The following CRMP1 variants were observed in gnomAD, a reference collection of about 807,000 sequenced individuals.
CRMP1 encodes dihydropyrimidinase-related protein 1.
CRMP1 carries 19 observed loss-of-function variants against 68.3 expected under a neutral mutation model. That is an observed-to-expected ratio of 0.28 (90% CI 0.19 to 0.41). The LOEUF (loss-of-function observed/expected upper bound fraction) is 0.41, where lower values mean the gene tolerates loss of function less well. Among genes scored for constraint, CRMP1 ranks in the 10% least tolerant of loss-of-function variants. CRMP1 has a pLI of 1.00. For missense variants in CRMP1, 791 were observed against 967.4 expected, an observed-to-expected ratio of 0.82 and a Z score of 2.42; for synonymous variants, 439 against 399.6, an observed-to-expected ratio of 1.10 and a Z score of -1.18.
rs1381649757 is a variant in CRMP1 at position 5,851,533 on chromosome 4, T to C, written c.821-64A>G. 28 of 1,492,966 alleles carry C rather than the reference T, an allele frequency of 1.9e-5. No individual in the cohort carries two copies. The South Asian group carries it at 2.1e-4, about 11-fold the overall frequency. 92.5% of individuals were successfully genotyped at this position (1,492,966 alleles called of 1,614,324 possible). Reference sequence around the variant, plus strand: ...AAAAAACAGAAGCATGTCTTTCCAATAAATCAATGACCACAGAGCAGAGTG... The same window carrying C: ...AAAAAACAGAAGCATGTCTTTCCAACAAATCAATGACCACAGAGCAGAGTG... On this transcript the variant is annotated intron_variant, in intron 4 of 13. Transcript: ENST00000324989.
intron 11 of CRMP1, among the ~76,000 whole-genome samples, chr4:5,835,162 C>T (rs568344800): frequency 7.3e-4 from 111 of 152,344 alleles, no homozygotes; most frequent in Admixed American, 2.0e-3. Context: ...AGCTCCATCA[C>T]GGTGTGCACA....
rs529798036 is a variant in CRMP1 at position 5,838,168 on chromosome 4, G to A, written c.1311-1262C>T. 6.6e-6 allele frequency among the ~76,000 whole-genome samples: 1 copy of A among 152,252 alleles called. No homozygotes were observed. Among genetic ancestry groups the A allele is most frequent in the African/African-American group, 2.4e-5 (1 of 41,532 alleles). ...CAAACCATGTGGCGTCTAAGAAAGA[G>A]GGAACTAGCCAGGGGTTCCCATGAG... On this transcript the variant is annotated intron_variant, in intron 9 of 13. Transcript: ENST00000324989. The surrounding 1 kb of genome is among the most constrained non-coding windows in gnomAD (Gnocchi z 4.9).
chr4:5,828,053 G>A, intron 12 of CRMP1: 1 of 985,442 alleles, frequency 1.0e-6, no homozygotes, highest in Non-Finnish European at 1.2e-6. Context: ...CCTGCAAGAT[G>A]CCAGGGGTAA....
chr4:5,868,387 C>T (rs989522132), intron 1 of CRMP1, among the ~76,000 whole-genome samples: 28 of 150,392 alleles, frequency 1.9e-4, no homozygotes, highest in Non-Finnish European at 3.5e-4. Flanking sequence ...CTGCAACCTC[C>T]GCCTCCTGGG....
Position 5,891,248 on chromosome 4 carries a change from G to A in CRMP1, c.381+1341C>T, listed in dbSNP as rs777334162. Among the ~76,000 whole-genome samples the A allele has an allele frequency of 7.0e-6, 1 of 142,934 alleles. No individual in the cohort carries two copies. Among genetic ancestry groups the A allele is most frequent in the African/African-American group, 2.6e-5 (1 of 38,964 alleles). 93.8% of individuals were successfully genotyped at this position (142,934 alleles called of 152,430 possible). Reference sequence around the variant, plus strand: ...TGGACCTCTCCCTCGCGAGGCTCCGGCTTCAGGACCACGGAGAGCTCTGGA... The same window carrying A: ...TGGACCTCTCCCTCGCGAGGCTCCGACTTCAGGACCACGGAGAGCTCTGGA... On this transcript the variant is annotated intron_variant, in intron 1 of 13. Transcript: ENST00000324989. The surrounding 1 kb of genome is among the most constrained non-coding windows in gnomAD (Gnocchi z 5.2).
rs1314546864 is a variant in CRMP1 at position 5,879,781 on chromosome 4, G to A, written c.381+12808C>T. Among the ~76,000 whole-genome samples, 6 of 151,744 alleles carry A rather than the reference G, an allele frequency of 4.0e-5. No individual in the cohort carries two copies. The highest frequency in any genetic ancestry group is 5.9e-5 in the Non-Finnish European group (4 of 67,988). ...ATGGCCTTAGGAAGCCTTTAAACTC[G>A]TTTAAGAGGTTCCCAGTAATTAAAG... On this transcript the variant is annotated intron_variant, in intron 1 of 13. Transcript: ENST00000324989. This position sits in a 1 kb window ranked among gnomAD's most constrained non-coding sequence, Gnocchi z 4.2.
chr4:5,831,049 A>G (rs1235917577), intron 11 of CRMP1, among the ~76,000 whole-genome samples: 1 of 152,160 alleles, frequency 6.6e-6, no homozygotes, highest in East Asian at 1.9e-4. Context: ...CCTGGGCTCA[A>G]GCAATCCTCC....
chr4:5,888,936 C>T lies in CRMP1; in HGVS notation c.381+3653G>A, dbSNP rs1183722357. Among the ~76,000 whole-genome samples, 1 of 151,976 alleles carries T rather than the reference C, an allele frequency of 6.6e-6. No homozygotes were observed. Among genetic ancestry groups the T allele is most frequent in the Non-Finnish European group, 1.5e-5 (1 of 67,968 alleles). On this transcript the variant is annotated intron_variant, in intron 1 of 13. Transcript: ENST00000324989. The surrounding 1 kb of genome is among the most constrained non-coding windows in gnomAD (Gnocchi z 6.4). ...AAGGACCGCTCCCCTCTTGCCTCTC[C>T]TTCCATAGCCTCCGTTTATCCTTCC...
rs1287810418 is a variant in CRMP1 at position 5,834,576 on chromosome 4, CTGTGG to C, written c.1623+1334_1623+1338del. ...TTTATTTTCTTATAAATTACCCAGT[CTGTGG>C]TATCTATTACAGTAGCACAAAATGG... On this transcript the variant is annotated intron_variant, in intron 11 of 13. Coordinates refer to ENST00000324989, the MANE Select transcript of CRMP1 (RefSeq NM_001014809.3). This position sits in a 1 kb window ranked among gnomAD's most constrained non-coding sequence, Gnocchi z 4.3. 6.6e-6 allele frequency among the ~76,000 whole-genome samples: 1 copy of C among 152,174 alleles called. No individual in the cohort carries two copies. Among genetic ancestry groups the C allele is most frequent in the Non-Finnish European group, 1.5e-5 (1 of 68,040 alleles).
chr4:5,829,715 C>T (rs560391835), intron 11 of CRMP1, among the ~76,000 whole-genome samples: 1 of 152,196 alleles, frequency 6.6e-6, no homozygotes, highest in Non-Finnish European at 1.5e-5. Context: ...TGTTCCATAT[C>T]AGCACACATA....
intron 4 of CRMP1, among the ~76,000 whole-genome samples, chr4:5,852,401 G>C (rs1482590505): frequency 6.6e-6 from 1 of 152,158 alleles, no homozygotes; most frequent in Non-Finnish European, 1.5e-5. Flanking sequence ...AAGATTTCTG[G>C]GCAAGCCCTT....
Position 5,889,966 on chromosome 4 carries a change from A to T in CRMP1, c.381+2623T>A. ...GAGGCTTACAGAGGTAAAATGATGT[A>T]CCCCGGGTGCAAAACATATTAGCTG... is the stretch of plus-strand genomic sequence containing the variant. On this transcript the variant is annotated intron_variant, in intron 1 of 13. Coordinates refer to ENST00000324989, the MANE Select transcript of CRMP1 (RefSeq NM_001014809.3). The surrounding 1 kb of genome is among the most constrained non-coding windows in gnomAD (Gnocchi z 4.5). 1 of 1,273,666 alleles carries T rather than the reference A, an allele frequency of 7.9e-7. No homozygotes were observed. Among genetic ancestry groups the T allele is most frequent in the Admixed American group, 3.2e-5 (1 of 30,990 alleles). 78.9% of individuals were successfully genotyped at this position (1,273,666 alleles called of 1,614,324 possible). A position where few individuals can be genotyped will look rare whatever the true frequency, so the allele number is the denominator to read the frequency against.
chr4:5,864,608 G>A (rs533549156), intron 2 of CRMP1, among the ~76,000 whole-genome samples: 23 of 152,262 alleles, frequency 1.5e-4, no homozygotes, highest in African/African-American at 3.4e-4. Context: ...GTCAAGGAGC[G>A]ATGCAGTGTG....
intron 2 of CRMP1, among the ~76,000 whole-genome samples, chr4:5,862,494 T>C (rs1560509547): frequency 6.6e-6 from 1 of 152,146 alleles, no homozygotes; most frequent in East Asian, 1.9e-4. Flanking sequence ...GGGAAAGGGG[T>C]TGGGAAGACA....
chr4:5,856,183 A>G lies in CRMP1; in HGVS notation c.780T>C (p.Asp260=), dbSNP rs1264763874. 6.2e-7 allele frequency: 1 copy of G among 1,613,852 alleles called. No homozygotes were observed. Among genetic ancestry groups the G allele is most frequent in the Non-Finnish European group, 8.5e-7 (1 of 1,179,904 alleles). The change falls in exon 4 of 14, where the codon GAT becomes GAC. Residue 260 remains aspartate, a synonymous_variant. Coordinates refer to ENST00000324989, the MANE Select transcript of CRMP1 (RefSeq NM_001014809.3). ...GCACCTCCAGCTCCTCCCGAACGCC[A>G]TCGTACCAGCTTGTGATGTCCACGT... ...SLHVDITSWY[D]GVREELEVLV...
At position 5,890,110 on chromosome 4, in the gene CRMP1, A is replaced by C; in HGVS notation, c.381+2479T>G. The C allele has an allele frequency of 4.1e-6, 1 of 241,548 alleles. No homozygotes were observed. The highest frequency in any genetic ancestry group is 1.0e-4 in the East Asian group (1 of 9,538). The allele number at this position is 241,548 out of a possible 1,614,324, so 15.0% of individuals were successfully genotyped here. On this transcript the variant is annotated intron_variant, in intron 1 of 13. Transcript: ENST00000324989. This position sits in a 1 kb window ranked among gnomAD's most constrained non-coding sequence, Gnocchi z 5.5. ...CCTAAAATCCCTGTCAATGACCGGA[A>C]ATTGCAGATGGGGACACTGTCCCTC...
At chr4:5,857,088 T>C (rs111066727) in intron 3 of CRMP1, among the ~76,000 whole-genome samples, 2,436 of 96,618 alleles carry the variant, frequency 0.025, 74 homozygotes, top group African/African-American at 0.091. Flanking sequence ...CCACCACCAT[T>C]ATCACTAACA....
In CRMP1 at chr4:5,866,308, G is replaced by C. The variant is rs147727012; in HGVS notation, c.470+360C>G. Among the ~76,000 whole-genome samples, 1,026 of 152,322 alleles carry C rather than the reference G, an allele frequency of 6.7e-3. 16 individuals are homozygous for C. The highest frequency in any genetic ancestry group is 0.023 in the African/African-American group (945 of 41,584). The stretch of plus-strand genomic sequence containing the variant: ...ATTCAGTTGTCTCAGGGTGGAATCC[G>C]GGCCTTGACCCTAACTCACCCCGTC... On this transcript the variant is annotated intron_variant, in intron 2 of 13. Transcript: ENST00000324989. This position sits in a 1 kb window ranked among gnomAD's most constrained non-coding sequence, Gnocchi z 5.9.
intron 8 of CRMP1, 136 bp from the exon 9 acceptor site, chr4:5,839,814 G>T (rs1711567888): frequency 1.9e-6 from 2 of 1,060,228 alleles, no homozygotes; most frequent in Non-Finnish European, 2.6e-6. Context: ...GTTCTTGCAG[G>T]CATCACCGCC....
Sources: allele counts gnomAD v4.1 joint callset (sites outside exome capture counted in the v4.1 genomes callset), GRCh38; gene constraint gnomAD v4.1.1; non-coding constraint Gnocchi (gnomAD v3.1); transcripts MANE v1.5; gene names NCBI Gene and HGNC (gene_info 2026-07-23, HGNC 2026-07-21).